HHAT: variants seen among roughly 807,000 people sequenced by gnomAD.
HHAT encodes protein-cysteine N-palmitoyltransferase HHAT.
A neutral mutation model predicts 70.8 loss-of-function variants in HHAT; 47 were observed. The ratio of observed to expected loss-of-function variants is 0.66; its 90% CI spans 0.53 to 0.85. HHAT has a LOEUF of 0.85. Among genes scored for constraint, HHAT ranks in the 40% least tolerant of loss-of-function variants. The pLI is 0.00. For missense variants in HHAT, 609 were observed against 604.8 expected (o/e 1.01, Z -0.07); for synonymous variants, 228 against 247.6 (o/e 0.92, Z 0.74).
chr1:210,428,328 ATATATATATATATATAT>A (rs2093137413), intron 7 of HHAT, among the ~76,000 whole-genome samples: 1 of 85,404 alleles, frequency 1.2e-5, no homozygotes, highest in Non-Finnish European at 2.5e-5. Context: ...ATATATATAT[ATATATATATATATATAT>A]AATTTTGTAG....
intron 3 of HHAT, among the ~76,000 whole-genome samples, chr1:210,379,234 C>A (rs2090451560): frequency 6.6e-6 from 1 of 152,216 alleles, no homozygotes; most frequent in Non-Finnish European, 1.5e-5. Context: ...GTCTCTGCCA[C>A]CATTTTCTTC....
chr1:210,659,848 G>T (rs1297224707), intron 11 of HHAT, among the ~76,000 whole-genome samples: 1 of 152,068 alleles, frequency 6.6e-6, no homozygotes, highest in Non-Finnish European at 1.5e-5. Flanking sequence ...TGCAGAAAAG[G>T]CCTTTGACAA....
rs946830553 is a variant in HHAT, at chr1:210,551,189, A to G, written c.1044-36709A>G. 1.5e-4 allele frequency among the ~76,000 whole-genome samples: 23 copies of G among 148,696 alleles called. 1 individual carries two copies. The highest frequency in any genetic ancestry group is 4.5e-4 in the East Asian group (2 of 4,456). On this transcript the variant is annotated intron_variant, in intron 9 of 11. Coordinates refer to ENST00000261458, the MANE Select transcript of HHAT (RefSeq NM_018194.6). ...CCCAGGGTTCCTTGTAGGATGTGAT[A>G]TGTACTCCATCGACCGAATTAAAGT...
intron 7 of HHAT, among the ~76,000 whole-genome samples, chr1:210,456,805 A>G (rs1001694448): frequency 7.2e-5 from 11 of 152,320 alleles, no homozygotes; most frequent in African/African-American, 2.4e-4. Context: ...CCAGAATTCA[A>G]TGCTAGAGAT....
intron 3 of HHAT, among the ~76,000 whole-genome samples, chr1:210,372,054 A>T (rs920641817): frequency 3.4e-4 from 51 of 152,228 alleles, no homozygotes; most frequent in African/African-American, 1.2e-3. Flanking sequence ...CAACAAGTTT[A>T]TACTCTATTT....
chr1:210,443,404 G>C (rs1473011960), intron 7 of HHAT, among the ~76,000 whole-genome samples: 2 of 149,010 alleles, frequency 1.3e-5, no homozygotes, highest in Non-Finnish European at 1.5e-5. Context: ...AGCTTGATGG[G>C]GATGGCATTG....
intron 9 of HHAT, among the ~76,000 whole-genome samples, chr1:210,535,280 C>T (rs947370331): frequency 2.0e-5 from 3 of 152,066 alleles, no homozygotes; most frequent in Non-Finnish European, 2.9e-5. Flanking sequence ...ACAGTGACTA[C>T]GTAACAGGGT....
chr1:210,665,372 C>T (rs915082207), intron 11 of HHAT, among the ~76,000 whole-genome samples: 3 of 152,212 alleles, frequency 2.0e-5, no homozygotes, highest in African/African-American at 7.2e-5. Flanking sequence ...TGGGAATCTC[C>T]TCTCTTTCCT....
At chr1:210,672,397 C>T (rs896104451) in intron 11 of HHAT, among the ~76,000 whole-genome samples, 4 of 152,238 alleles carry the variant, frequency 2.6e-5, no homozygotes, top group Admixed American at 6.5e-5. Context: ...ACATGATCCC[C>T]GTTCCTTGGA....
In HHAT at chr1:210,661,995, T is replaced by TA. The variant is rs1558383047; in HGVS notation, c.1391-12287dup. Among the ~76,000 whole-genome samples the TA allele has an allele frequency of 6.6e-5, 10 of 151,514 alleles. No individual in the cohort carries two copies. In the South Asian group the frequency reaches 2.1e-3, roughly 32 times the overall value. On this transcript the variant is annotated intron_variant, in intron 11 of 11. Coordinates refer to ENST00000261458, the MANE Select transcript of HHAT (RefSeq NM_018194.6). ...ACTTAAAGTATAATTTAAAAAAATT[T>TA]AAAAAATTAATAAAATAAAATCTGC...
Position 210,609,849 on chromosome 1 carries a change from T to A in HHAT, c.1246-13677T>A, listed in dbSNP as rs190187185. 2.6e-5 allele frequency among the ~76,000 whole-genome samples: 4 copies of A among 152,332 alleles called. No individual in the cohort carries two copies. In the East Asian group the frequency reaches 7.7e-4, roughly 29 times the overall value. ...CCTTCAAAGGATGTGATCTTATTTC[T>A]TTTTTGGGCTACATAGTATTTCATG... On this transcript the variant is annotated intron_variant, in intron 10 of 11. Coordinates refer to ENST00000261458, the MANE Select transcript of HHAT (RefSeq NM_018194.6).
rs1165237566 is a variant in HHAT, at chr1:210,349,200, C to CT, written c.91+136dup. ...TGGGCCTTGATTTGCTTCCCCATGT[C>CT]TTGGATAGTTTGAATCAGTGACCTG... On this transcript the variant is annotated intron_variant, in intron 2 of 11. Coordinates refer to ENST00000261458, the MANE Select transcript of HHAT (RefSeq NM_018194.6). The CT allele has an allele frequency of 7.5e-6, 7 of 938,566 alleles. No homozygotes were observed. In the East Asian group the frequency reaches 1.8e-4, roughly 24 times the overall value. The allele number at this position is 938,566 out of a possible 1,614,324, so 58.1% of individuals were successfully genotyped here.
intron 7 of HHAT, among the ~76,000 whole-genome samples, chr1:210,424,719 A>G (rs902864244): frequency 6.6e-6 from 1 of 152,076 alleles, no homozygotes; most frequent in African/African-American, 2.4e-5. Context: ...CATGGTGTAT[A>G]TGTACCACAT....
chr1:210,587,225 T>C (rs998585650), intron 9 of HHAT, among the ~76,000 whole-genome samples: 2 of 152,316 alleles, frequency 1.3e-5, no homozygotes, highest in Non-Finnish European at 1.5e-5. Flanking sequence ...AAAAACACTT[T>C]AATGGATTCA....
At chr1:210,574,961 T>C (rs945696875) in intron 9 of HHAT, among the ~76,000 whole-genome samples, 7 of 152,078 alleles carry the variant, frequency 4.6e-5, no homozygotes, top group African/African-American at 1.7e-4. Context: ...CTGAATAGGA[T>C]GTGAGTGAGA....
At chr1:210,369,139 G>A (rs1008912914) in intron 3 of HHAT, among the ~76,000 whole-genome samples, 3 of 152,130 alleles carry the variant, frequency 2.0e-5, no homozygotes, top group Non-Finnish European at 4.4e-5. Flanking sequence ...AGGAGGTAAC[G>A]TTCTACAGAG....
intron 11 of HHAT, among the ~76,000 whole-genome samples, chr1:210,668,234 C>T (rs114281386): frequency 0.017 from 2,598 of 152,236 alleles, 34 homozygotes; most frequent in Middle Eastern, 0.031. Flanking sequence ...GGGTTGCTTC[C>T]ACCTTTTGGC....
intron 11 of HHAT, among the ~76,000 whole-genome samples, chr1:210,662,934 C>T (rs1678078626): frequency 6.6e-6 from 1 of 152,114 alleles, no homozygotes; most frequent in Non-Finnish European, 1.5e-5. Context: ...AATGTGCACT[C>T]AGCTCCTAGC....
chr1:210,488,521 C>T (rs904486257), intron 8 of HHAT, among the ~76,000 whole-genome samples: 4 of 152,172 alleles, frequency 2.6e-5, no homozygotes, highest in African/African-American at 7.2e-5. Flanking sequence ...CACTGATGTA[C>T]ACCAACAGCC....
Sources: gnomAD v4.1 joint callset for allele counts (sites outside exome capture counted in the v4.1 genomes callset) on GRCh38, gnomAD v4.1.1 for gene constraint, MANE v1.5 for transcripts, NCBI Gene and HGNC (gene_info 2026-07-23, HGNC 2026-07-21) for gene names.